Variants in NLRP2 observed in about 807,000 individuals in gnomAD.
NLRP2 encodes the protein NACHT, LRR and PYD domains-containing protein 2.
A neutral mutation model predicts 97.2 loss-of-function variants in NLRP2; 107 were observed. That is an observed-to-expected ratio of 1.10 (90% CI 0.94 to 1.29). The LOEUF (loss-of-function observed/expected upper bound fraction) is 1.29. Among genes scored for constraint, NLRP2 ranks in the 50% most tolerant of loss-of-function variants. The pLI is 0.00. For synonymous variants in NLRP2, 663 were observed against 551.5 expected (o/e 1.20, Z -2.83); for missense variants, 1,495 against 1,330.3 (o/e 1.12, Z -1.93).
chr19:54,976,203 T>C (rs959642089), intron 3 of NLRP2, among the ~76,000 whole-genome samples: 2 of 151,884 alleles, frequency 1.3e-5, no homozygotes, highest in Non-Finnish European at 2.9e-5. Flanking sequence ...TATAGGTGTC[T>C]GCCACCAAGC....
chr19:54,997,299 A>G lies in NLRP2; in HGVS notation c.2880-18A>G. The G allele has an allele frequency of 3.1e-6, 5 of 1,612,730 alleles. No homozygotes were observed. The highest frequency in any genetic ancestry group is 4.2e-6 in the Non-Finnish European group (5 of 1,179,872). On this transcript the variant is annotated intron_variant, in intron 11 of 12. Transcript: ENST00000448584. ...CAGCACTGGCTGCATTAACGTGTTGATTTCTGTGTTTCCCCAGGTTGTGGG... is the reference window on the plus strand; with the variant it reads ...CAGCACTGGCTGCATTAACGTGTTGGTTTCTGTGTTTCCCCAGGTTGTGGG...
rs1380006846 is a variant in NLRP2, at chr19:54,977,788, A to G, written c.362A>G (p.Asp121Gly). The change falls in exon 4 of 13, where the codon GAC becomes GGC. Residue 121 changes from aspartate (D) to glycine (G), a missense_variant. Coordinates refer to ENST00000448584, the MANE Select transcript of NLRP2 (RefSeq NM_017852.5). Reference sequence around the variant, plus strand: ...AAAGAACGACCACCTCTAGACGTGGACGAAATGCTGGAGCGCTTCAAAACA... The same window carrying G: ...AAAGAACGACCACCTCTAGACGTGGGCGAAATGCTGGAGCGCTTCAAAACA... ...TRKERPPLDVDEMLERFKTEA... is the reference protein window; with the variant it reads ...TRKERPPLDVGEMLERFKTEA... 1 of 1,613,852 alleles carries G rather than the reference A, an allele frequency of 6.2e-7. No homozygotes were observed. The highest frequency in any genetic ancestry group is 1.3e-5 in the African/African-American group (1 of 75,020).
intron 10 of NLRP2, among the ~76,000 whole-genome samples, chr19:54,992,193 A>G (rs904604621): frequency 2.0e-5 from 3 of 151,962 alleles, no homozygotes; most frequent in South Asian, 2.1e-4. Flanking sequence ...ATTTACAGGC[A>G]TGAGCCACTG....
At position 54,983,416 on chromosome 19, in the gene NLRP2, T is replaced by C. The variant is rs781280567; in HGVS notation, c.1718T>C (p.Phe573Ser). Residue 573 changes from phenylalanine to serine, a missense_variant, in exon 6 of 13, where the codon TTT (phenylalanine) becomes TCT (serine). Transcript: ENST00000448584. ...AGAGCCAAGGAGTTGGAGGCCACTT[T>C]TGGCTGCCGGATGTCACCGGACATC... is the stretch of plus-strand genomic sequence containing the variant. ...EKRAKELEAT[F>S]GCRMSPDIKQ... is the part of the protein sequence containing the mutation. The C allele has an allele frequency of 4.3e-6, 7 of 1,614,056 alleles. No individual in the cohort carries two copies. Among genetic ancestry groups the C allele is most frequent in the African/African-American group, 1.3e-5 (1 of 74,926 alleles).
intron 2 of NLRP2, 77 bp from the exon 3 acceptor site, chr19:54,974,420 GTCA>G: frequency 9.9e-7 from 1 of 1,005,468 alleles, no homozygotes; most frequent in Non-Finnish European, 1.6e-6. Flanking sequence ...AGTTCTAAGT[GTCA>G]TCTTTTCTTT....
Position 54,967,943 on chromosome 19 carries a change from A to G in NLRP2, c.-18+1476A>G, listed in dbSNP as rs541209401. On this transcript the variant is annotated intron_variant, in intron 1 of 12. Coordinates refer to ENST00000448584, the MANE Select transcript of NLRP2 (RefSeq NM_017852.5). Reference sequence around the variant, plus strand: ...TTTTTTTTTTTTTTTTTTTGAGACAAAGTCTAGCTCTGTTTCCCAGGCTGG... The same window carrying G: ...TTTTTTTTTTTTTTTTTTTGAGACAGAGTCTAGCTCTGTTTCCCAGGCTGG... Among the ~76,000 whole-genome samples, 106 of 142,090 alleles carry G rather than the reference A, an allele frequency of 7.5e-4. 2 individuals are homozygous for G. Among genetic ancestry groups the G allele is most frequent in the Non-Finnish European group, 1.5e-3 (96 of 64,232 alleles). The allele number at this position is 142,090 out of a possible 152,430, so 93.2% of individuals were successfully genotyped here. A position where few individuals can be genotyped will look rare whatever the true frequency, so the allele number is the denominator to read the frequency against.
Position 54,983,538 on chromosome 19 carries a change from G to A in NLRP2, c.1840G>A (p.Glu614Lys). Residue 614 changes from glutamate (E) to lysine (K), a missense_variant, in exon 6 of 13, where the codon GAG (glutamate) becomes AAG (lysine). Physicochemically the swap from Glu to Lys is moderately conservative, Grantham distance 56. Coordinates refer to ENST00000448584, the MANE Select transcript of NLRP2 (RefSeq NM_017852.5). ...ELLGCLYESQ[E>K]EELVKEVMAQ... ...CCTCGGCTGTCTGTACGAGTCTCAGGAGGAGGAGCTGGTGAAGGAGGTGAT... is the reference window on the plus strand; with the variant it reads ...CCTCGGCTGTCTGTACGAGTCTCAGAAGGAGGAGCTGGTGAAGGAGGTGAT... 1 of 1,614,128 alleles carries A rather than the reference G, an allele frequency of 6.2e-7. No individual in the cohort carries two copies. The highest frequency in any genetic ancestry group is 1.1e-5 in the South Asian group (1 of 91,086).
At chr19:54,984,773 G>A (rs985367188) in intron 6 of NLRP2, among the ~76,000 whole-genome samples, 7 of 151,916 alleles carry the variant, frequency 4.6e-5, no homozygotes, top group African/African-American at 9.7e-5. Flanking sequence ...GTGAGTCACC[G>A]TGCCCGGTCT....
chr19:54,984,957 T>G (rs1477890484), intron 6 of NLRP2, 90 bp from the exon 7 acceptor site: 1 of 1,239,378 alleles, frequency 8.1e-7, no homozygotes, highest in Non-Finnish European at 1.2e-6. Flanking sequence ...ATTGTACTCA[T>G]TTGTCAGGGG....
intron 1 of NLRP2, among the ~76,000 whole-genome samples, 180 bp downstream of exon 1, chr19:54,966,647 G>T (rs1485898413): frequency 6.6e-6 from 1 of 151,982 alleles, no homozygotes; most frequent in East Asian, 1.9e-4. Flanking sequence ...CCGGGTTCAG[G>T]CCATTCTCCT....
chr19:54,993,389 C>T (rs1200856084), intron 10 of NLRP2: 1 of 151,976 alleles, frequency 6.6e-6, no homozygotes, highest in Non-Finnish European at 1.5e-5. Context: ...GATACATGGG[C>T]ATTATAGTTC....
intron 12 of NLRP2, 40 bp downstream of exon 12, chr19:54,997,527 T>C (rs769330161): frequency 6.2e-7 from 1 of 1,608,522 alleles, no homozygotes; most frequent in East Asian, 2.2e-5. Context: ...TTCTCCAGAG[T>C]GGTAGGTTTA....
At chr19:54,985,568 C>T (rs770775359) in intron 7 of NLRP2, among the ~76,000 whole-genome samples, 12 of 147,694 alleles carry the variant, frequency 8.1e-5, no homozygotes, top group African/African-American at 3.0e-4. Context: ...ATATCAGCTA[C>T]TTGGGAGGCT....
At chr19:54,975,455 AT>A (rs34340544) in intron 3 of NLRP2, among the ~76,000 whole-genome samples, 68,134 of 132,350 alleles carry the variant, frequency 0.51, 19,287 homozygotes, top group Admixed American at 0.61. Context: ...GATTATTATT[AT>A]TTTTTTTTTT....
At position 54,997,415 on chromosome 19, in the gene NLRP2, C is replaced by A. The variant is rs770971017; in HGVS notation, c.2978C>A (p.Pro993His). 1.2e-6 allele frequency: 2 copies of A among 1,614,062 alleles called. No homozygotes were observed. Among genetic ancestry groups the A allele is most frequent in the Non-Finnish European group, 1.7e-6 (2 of 1,180,040 alleles). ...SLVTLDLGQN[P>H]LGSSGVKMLF... ...GTCACTCTGGACCTGGGTCAGAATCCCTTGGGGTCTAGTGGAGTGAAGATG... is the reference window on the plus strand; with the variant it reads ...GTCACTCTGGACCTGGGTCAGAATCACTTGGGGTCTAGTGGAGTGAAGATG... The change falls in exon 12 of 13, where the codon CCC becomes CAC. Residue 993 changes from proline to histidine, a missense_variant. Coordinates refer to ENST00000448584, the MANE Select transcript of NLRP2 (RefSeq NM_017852.5).
At position 54,986,210 on chromosome 19, in the gene NLRP2, A is replaced by G. The variant is rs1000471697; in HGVS notation, c.2261A>G (p.His754Arg). The G allele has an allele frequency of 6.8e-6, 11 of 1,613,622 alleles. No individual in the cohort carries two copies. The East Asian group carries it at 2.5e-4, about 36-fold the overall frequency. ...HRNLCLALRG[H>R]KTVTYLTLQG... Reference sequence around the variant, plus strand: ...AACCTCTGCCTAGCTCTTCGAGGTCACAAGACTGTAACGTATCTGACCCTT... The same window carrying G: ...AACCTCTGCCTAGCTCTTCGAGGTCGCAAGACTGTAACGTATCTGACCCTT... Residue 754 changes from histidine (H) to arginine (R), a missense_variant, in exon 8 of 13, where the codon CAC becomes CGC. Transcript: ENST00000448584.
intron 8 of NLRP2, among the ~76,000 whole-genome samples, chr19:54,987,822 C>T (rs1307929593): frequency 6.6e-6 from 1 of 151,600 alleles, no homozygotes; most frequent in African/African-American, 2.4e-5. Flanking sequence ...GCAGGTGGAT[C>T]ACAAGGTCAG....
chr19:54,998,831 G>T (rs757647562), intron 12 of NLRP2, among the ~76,000 whole-genome samples: 1 of 150,640 alleles, frequency 6.6e-6, no homozygotes, highest in African/African-American at 2.5e-5. Flanking sequence ...GAGTGGTGAT[G>T]ACTCTTAACG....
At chr19:54,998,119 A>C (rs918363422) in intron 12 of NLRP2, among the ~76,000 whole-genome samples, 4 of 143,604 alleles carry the variant, frequency 2.8e-5, no homozygotes, top group Non-Finnish European at 4.5e-5. Context: ...CCCAGGTTCC[A>C]GCTATTCTCA....
Sources: allele counts gnomAD v4.1 joint callset (sites outside exome capture counted in the v4.1 genomes callset), GRCh38; gene constraint gnomAD v4.1.1; transcripts MANE v1.5; gene names NCBI Gene and HGNC (gene_info 2026-07-23, HGNC 2026-07-21).